Variants in ABCC5 observed in about 807,000 individuals in gnomAD.
ABCC5 encodes the protein ATP-binding cassette sub-family C member 5.
ABCC5 carries 61 observed loss-of-function variants against 160.9 expected under a neutral mutation model. The observed-to-expected ratio is 0.38, with a 90% CI of 0.31 to 0.47. ABCC5 has a LOEUF of 0.47. Among genes scored for constraint, ABCC5 ranks in the 20% least tolerant of loss-of-function variants. ABCC5 has a pLI of 0.99. For synonymous variants in ABCC5, 666 were observed against 700.6 expected, an observed-to-expected ratio of 0.95 and a Z score of 0.78; for missense variants, 1,308 against 1,813.3, an observed-to-expected ratio of 0.72 and a Z score of 5.06.
Position 183,951,691 on chromosome 3 carries a change from A to G in ABCC5, c.2815-121T>C, listed in dbSNP as rs2108797536. On this transcript the variant is annotated intron_variant, in intron 19 of 29. Transcript: ENST00000334444. This position sits in a 1 kb window ranked among gnomAD's most constrained non-coding sequence, Gnocchi z 4.7. ...GGAGGTGTGAGGGGTCAGGAGGGAC[A>G]GGTGGCAAGTGAGAAAAGGTGGAGG... The G allele has an allele frequency of 6.7e-7, 1 of 1,486,516 alleles. No homozygotes were observed. The highest frequency in any genetic ancestry group is 9.1e-7 in the Non-Finnish European group (1 of 1,099,798). 92.1% of individuals were successfully genotyped at this position (1,486,516 alleles called of 1,614,324 possible). A position where few individuals can be genotyped will look rare whatever the true frequency, so the allele number is the denominator to read the frequency against.
intron 27 of ABCC5, 78 bp from the exon 28 acceptor site, chr3:183,927,521 T>C: frequency 5.2e-6 from 8 of 1,527,470 alleles, no homozygotes; most frequent in Non-Finnish European, 6.2e-6. Flanking sequence ...CAGAAAGAAA[T>C]GATTCTGAAA....
chr3:183,931,513 T>C (rs1272448511), intron 26 of ABCC5, among the ~76,000 whole-genome samples: 1 of 152,128 alleles, frequency 6.6e-6, no homozygotes, highest in East Asian at 1.9e-4. Context: ...TTGTATTTTT[T>C]GGTAGAGATA....
chr3:184,000,623 A>G (rs1409998965), intron 2 of ABCC5: 1 of 152,224 alleles, frequency 6.6e-6, no homozygotes, highest in Non-Finnish European at 1.5e-5. Context: ...AAGAAAATGC[A>G]ATATGGAAAG....
chr3:183,953,005 T>C (rs1715528624), intron 18 of ABCC5, 81 bp downstream of exon 18: 1 of 1,412,380 alleles, frequency 7.1e-7, no homozygotes, highest in Non-Finnish European at 9.6e-7. Flanking sequence ...ACTAGAACAG[T>C]TTCCCTAAGA....
In ABCC5 at chr3:183,987,015, A is replaced by C. The variant is rs1223667023; in HGVS notation, c.591+755T>G. On this transcript the variant is annotated intron_variant, in intron 5 of 29. Coordinates refer to ENST00000334444, the MANE Select transcript of ABCC5 (RefSeq NM_005688.4). The surrounding 1 kb of genome is among the most constrained non-coding windows in gnomAD (Gnocchi z 4.2). ...TGCATCTTAGGCACATACTTACCAAAACCATGAACCTCCAGCTTACCCACA... is the reference window on the plus strand; with the variant it reads ...TGCATCTTAGGCACATACTTACCAACACCATGAACCTCCAGCTTACCCACA... 6.6e-6 allele frequency: 1 copy of C among 152,250 alleles called. No homozygotes were observed. Among genetic ancestry groups the C allele is most frequent in the Non-Finnish European group, 1.5e-5 (1 of 68,072 alleles). The allele number at this position is 152,250 out of a possible 1,614,324, so 9.4% of individuals were successfully genotyped here.
At chr3:183,944,221 C>T (rs971974116) in intron 24 of ABCC5, among the ~76,000 whole-genome samples, 1 of 152,006 alleles carries the variant, frequency 6.6e-6, no homozygotes, top group Non-Finnish European at 1.5e-5. Context: ...ATGGCGAAAC[C>T]TATCTCTACA....
chr3:183,920,309 C>T lies in ABCC5; in HGVS notation c.*991G>A, dbSNP rs1711854387. 6.6e-6 allele frequency: 1 copy of T among 152,632 alleles called. No individual in the cohort carries two copies. The highest frequency in any genetic ancestry group is 6.6e-5 in the Admixed American group (1 of 15,264). 9.5% of individuals were successfully genotyped at this position (152,632 alleles called of 1,614,324 possible). A position where few individuals can be genotyped will look rare whatever the true frequency, so the allele number is the denominator to read the frequency against. On this transcript the variant is annotated 3_prime_UTR_variant, in exon 30 of 30. Coordinates refer to ENST00000334444, the MANE Select transcript of ABCC5 (RefSeq NM_005688.4). The surrounding 1 kb of genome is among the most constrained non-coding windows in gnomAD (Gnocchi z 4.1). ...AAAACAGACCCACGAAATCCTGAGC[C>T]CTGCCACTGAACTGTGGAGGTGTGG...
At chr3:183,980,527 CAA>C (rs1378048529) in intron 8 of ABCC5, among the ~76,000 whole-genome samples, 4 of 152,162 alleles carry the variant, frequency 2.6e-5, no homozygotes, top group Admixed American at 2.6e-4. Context: ...CTAGTAGAAA[CAA>C]ACTCACTGCT....
In ABCC5 at chr3:183,982,701, G is replaced by C; in HGVS notation, c.825+73C>G. On this transcript the variant is annotated intron_variant, in intron 6 of 29. Coordinates refer to ENST00000334444, the MANE Select transcript of ABCC5 (RefSeq NM_005688.4). This position sits in a 1 kb window ranked among gnomAD's most constrained non-coding sequence, Gnocchi z 5.2. ...GTCTCAGGAGGAAGATAAAGGATAA[G>C]GCAGGGCCCTAGAGGAATGAACCTC... 6.2e-7 allele frequency: 1 copy of C among 1,608,050 alleles called. No homozygotes were observed. Among genetic ancestry groups the C allele is most frequent in the Non-Finnish European group, 8.5e-7 (1 of 1,175,080 alleles).
chr3:183,931,253 G>C (rs1713149119), intron 26 of ABCC5, among the ~76,000 whole-genome samples: 1 of 152,008 alleles, frequency 6.6e-6, no homozygotes, highest in African/African-American at 2.4e-5. Context: ...GTACACAAAA[G>C]CGCGGTCTCC....
intron 2 of ABCC5, chr3:184,011,181 A>G (rs1721709462): frequency 6.6e-6 from 1 of 152,200 alleles, no homozygotes; most frequent in African/African-American, 2.4e-5. Context: ...TCTGTGCTTT[A>G]CAACAGAACC....
chr3:183,979,129 G>A (rs535386283), intron 8 of ABCC5, among the ~76,000 whole-genome samples: 70 of 152,294 alleles, frequency 4.6e-4, no homozygotes, highest in African/African-American at 1.6e-3. Flanking sequence ...GGAATCACCT[G>A]AGGTCAGGTG....
chr3:183,979,755 T>C (rs898183448), intron 8 of ABCC5, among the ~76,000 whole-genome samples: 1 of 152,188 alleles, frequency 6.6e-6, no homozygotes, highest in Admixed American at 6.5e-5. Flanking sequence ...TATGTTTTAT[T>C]TTTTGTAGAG....
In ABCC5 at chr3:183,987,993, T is replaced by TTTTGTCTCC; in HGVS notation, c.444-85_444-77dup. The TTTTGTCTCC allele has an allele frequency of 6.5e-7, 1 of 1,547,602 alleles. No homozygotes were observed. On this transcript the variant is annotated intron_variant, in intron 4 of 29. Coordinates refer to ENST00000334444, the MANE Select transcript of ABCC5 (RefSeq NM_005688.4). This position sits in a 1 kb window ranked among gnomAD's most constrained non-coding sequence, Gnocchi z 4.2. Reference sequence around the variant, plus strand: ...ACCTAGCTCCCCGCCTGCCACCACTTTTTGTCTCCAGGTTTTGCCACCACT... The same window carrying TTTTGTCTCC: ...ACCTAGCTCCCCGCCTGCCACCACTTTTTGTCTCCTTTGTCTCCAGGTTTTGCCACCACT...
chr3:183,941,980 AAAAG>A (rs1270531769), intron 25 of ABCC5, among the ~76,000 whole-genome samples: 1 of 152,126 alleles, frequency 6.6e-6, no homozygotes, highest in Non-Finnish European at 1.5e-5. Flanking sequence ...CTCAAAAAAA[AAAAG>A]AAGTAAATTA....
chr3:183,937,754 CCAGCA>C (rs1713882272), intron 26 of ABCC5, 142 bp downstream of exon 26: 2 of 891,006 alleles, frequency 2.2e-6, no homozygotes, highest in African/African-American at 1.7e-5. Context: ...CCCTTCTGCA[CCAGCA>C]AGCACATGGT....
At chr3:183,948,901 AC>A (rs35945591) in intron 22 of ABCC5, among the ~76,000 whole-genome samples, 1,541 of 152,178 alleles carry the variant, frequency 0.01, 25 homozygotes, top group African/African-American at 0.035. Flanking sequence ...ACAAGGTTCC[AC>A]CATGTTGGCC....
At position 183,948,946 on chromosome 3, in the gene ABCC5, C is replaced by T. The variant is rs184273456; in HGVS notation, c.3227+807G>A. 2.4e-3 allele frequency among the ~76,000 whole-genome samples: 358 copies of T among 152,288 alleles called. 2 individuals are homozygous for T. The highest frequency in any genetic ancestry group is 6.8e-3 in the Middle Eastern group (2 of 294). On this transcript the variant is annotated intron_variant, in intron 22 of 29. Transcript: ENST00000334444. ...CTCGAACTCCTGACCTCAGGCGATC[C>T]GCCCACCTCAGCCTCCCAAAGTGCT... is the stretch of plus-strand genomic sequence containing the variant.
chr3:183,967,059 T>C, intron 12 of ABCC5, among the ~76,000 whole-genome samples: 1 of 151,646 alleles, frequency 6.6e-6, no homozygotes, highest in African/African-American at 2.4e-5. Context: ...GCAATGATAG[T>C]GTGTCTCAGT....
Sources: gnomAD v4.1 joint callset for allele counts (sites outside exome capture counted in the v4.1 genomes callset) on GRCh38, gnomAD v4.1.1 for gene constraint, Gnocchi (gnomAD v3.1) non-coding constraint, MANE v1.5 for transcripts, NCBI Gene and HGNC (gene_info 2026-07-23, HGNC 2026-07-21) for gene names.